Variants in SLC24A2 observed in about 807,000 individuals in gnomAD.
SLC24A2 encodes sodium/potassium/calcium exchanger 2.
In SLC24A2, 36 loss-of-function variants were observed where a neutral mutation model predicts 62.0. That is an observed-to-expected ratio of 0.58 (90% CI 0.44 to 0.77). SLC24A2 has a LOEUF of 0.77. Ranked by LOEUF, SLC24A2 falls within the 30% of genes least tolerant of loss-of-function variation. The pLI is 0.00. For synonymous variants in SLC24A2, 358 were observed against 294.0 expected (o/e 1.22, Z -2.23); for missense variants, 846 against 817.9 (o/e 1.03, Z -0.42).
the SLC24A2 span, among the ~76,000 whole-genome samples, chr9:19,964,470 A>G: frequency 4.6e-4 from 70 of 152,286 alleles, no homozygotes; most frequent in Non-Finnish European, 8.4e-4. Context: ...AAGTGCCACT[A>G]TGTGGTTTTG....
At chr9:19,852,686 T>G in the SLC24A2 span, among the ~76,000 whole-genome samples, 1 of 152,204 alleles carries the variant, frequency 6.6e-6, no homozygotes, top group Non-Finnish European at 1.5e-5. Context: ...TATGTGTCTG[T>G]TTTTGTATCA....
At chr9:20,086,226 G>T in the SLC24A2 span, among the ~76,000 whole-genome samples, 1 of 152,092 alleles carries the variant, frequency 6.6e-6, no homozygotes, top group East Asian at 1.9e-4. Flanking sequence ...TATTGCTGTT[G>T]TTCTTTATAT....
chr9:19,850,324 C>G, the SLC24A2 span, among the ~76,000 whole-genome samples: 2 of 151,946 alleles, frequency 1.3e-5, no homozygotes, highest in Non-Finnish European at 2.9e-5. Context: ...TGAACATTTT[C>G]AAATGCAAGG....
upstream of SLC24A2, among the ~76,000 whole-genome samples, chr9:19,792,333 G>T (rs951697357): frequency 6.6e-6 from 1 of 151,938 alleles, no homozygotes; most frequent in Non-Finnish European, 1.5e-5. Flanking sequence ...TATTGTTTTT[G>T]ACTTGACATT....
the SLC24A2 span, among the ~76,000 whole-genome samples, chr9:20,019,291 G>GAAAGAAAGAAAGAAAGAAAA: frequency 8.7e-5 from 13 of 149,728 alleles, no homozygotes; most frequent in African/African-American, 3.2e-4. Flanking sequence ...AAGAAAGAAA[G>GAAAGAAAGAAAGAAAGAAAA]AAAGAAAGAA....
the SLC24A2 span, among the ~76,000 whole-genome samples, chr9:20,105,279 G>C: frequency 2.6e-5 from 4 of 152,180 alleles, no homozygotes; most frequent in Non-Finnish European, 4.4e-5. Context: ...GTCAACATTA[G>C]ACAGATCAAC....
chr9:19,551,828 A>C (rs975712593), intron 7 of SLC24A2, among the ~76,000 whole-genome samples: 5 of 152,162 alleles, frequency 3.3e-5, no homozygotes, highest in Non-Finnish European at 7.4e-5. Flanking sequence ...GTACTGCAGA[A>C]AGTATGTATA....
chr9:19,879,314 C>G, the SLC24A2 span, among the ~76,000 whole-genome samples: 1 of 152,158 alleles, frequency 6.6e-6, no homozygotes, highest in South Asian at 2.1e-4. Context: ...AATTTGTATG[C>G]AGTCTGCAAA....
chr9:20,225,325 T>C, the SLC24A2 span, among the ~76,000 whole-genome samples: 6 of 151,506 alleles, frequency 4.0e-5, no homozygotes, highest in East Asian at 2.0e-4. Flanking sequence ...ACAGTCTAAA[T>C]GTCTATCAGT....
At chr9:20,295,102 C>A in the SLC24A2 span, among the ~76,000 whole-genome samples, 1 of 150,928 alleles carries the variant, frequency 6.6e-6, no homozygotes, top group East Asian at 1.9e-4. Context: ...TGTATTGCAA[C>A]CTCAAGAGAT....
the SLC24A2 span, among the ~76,000 whole-genome samples, chr9:20,283,367 A>C: frequency 6.6e-6 from 1 of 152,130 alleles, no homozygotes; most frequent in Non-Finnish European, 1.5e-5. Flanking sequence ...TGGGGGTTGG[A>C]GGGAGGAAAT....
rs190782032 is a variant in SLC24A2 at position 19,737,036 on chromosome 9, G to C, written c.930+48901C>G. Among the ~76,000 whole-genome samples the C allele has an allele frequency of 2.6e-3, 393 of 152,322 alleles. 2 individuals are homozygous for C. The highest frequency in any genetic ancestry group is 9.2e-3 in the African/African-American group (382 of 41,572). Reference sequence around the variant, plus strand: ...AATACACTTCTGCCAGGAATTGATAGAGCAAGCAAAAGAAATCAGTATTGA... The same window carrying C: ...AATACACTTCTGCCAGGAATTGATACAGCAAGCAAAAGAAATCAGTATTGA... On this transcript the variant is annotated intron_variant, in intron 2 of 10. Transcript: ENST00000341998.
the SLC24A2 span, among the ~76,000 whole-genome samples, chr9:19,894,580 T>C: frequency 6.6e-6 from 1 of 152,206 alleles, no homozygotes; most frequent in East Asian, 1.9e-4. Context: ...ATTGAATGGA[T>C]GCCTGGAGAG....
At chr9:19,820,516 T>C in the SLC24A2 span, among the ~76,000 whole-genome samples, 1 of 150,950 alleles carries the variant, frequency 6.6e-6, no homozygotes, top group Non-Finnish European at 1.5e-5. Context: ...CAAAAACCTA[T>C]GGAAATAAAA....
the SLC24A2 span, among the ~76,000 whole-genome samples, chr9:20,102,925 G>A: frequency 6.6e-6 from 1 of 152,176 alleles, no homozygotes; most frequent in Non-Finnish European, 1.5e-5. Context: ...CAAGGGATCA[G>A]GGAGTTCCCT....
the SLC24A2 span, among the ~76,000 whole-genome samples, chr9:20,108,810 G>A: frequency 3.9e-5 from 6 of 151,934 alleles, no homozygotes; most frequent in Admixed American, 6.6e-5. Context: ...TAACTAACCT[G>A]CACATTGTGC....
the SLC24A2 span, among the ~76,000 whole-genome samples, chr9:19,998,164 T>C: frequency 6.6e-6 from 1 of 152,332 alleles, no homozygotes; most frequent in South Asian, 2.1e-4. Flanking sequence ...TCTGTAATTA[T>C]CATTTTCTCC....
chr9:19,846,328 C>T, the SLC24A2 span, among the ~76,000 whole-genome samples: 2 of 152,038 alleles, frequency 1.3e-5, no homozygotes, highest in Non-Finnish European at 2.9e-5. Context: ...AAATATAATC[C>T]TTTATTATTA....
At chr9:20,043,545 A>G in the SLC24A2 span, among the ~76,000 whole-genome samples, 2 of 152,188 alleles carry the variant, frequency 1.3e-5, no homozygotes, top group African/African-American at 4.8e-5. Context: ...AAACATCAAC[A>G]TTAATGGGAG....
Sources: gnomAD v4.1 joint callset for allele counts (sites outside exome capture counted in the v4.1 genomes callset) on GRCh38, gnomAD v4.1.1 for gene constraint, MANE v1.5 for transcripts, NCBI Gene and HGNC (gene_info 2026-07-23, HGNC 2026-07-21) for gene names.